Variants in CCDC13 observed in about 807,000 individuals in gnomAD.
CCDC13 encodes the protein coiled-coil domain-containing protein 13.
Under a neutral mutation model 87.3 loss-of-function variants are expected in CCDC13, and 70 were observed. The ratio of observed to expected loss-of-function variants is 0.80; its 90% CI spans 0.66 to 0.98. The LOEUF (loss-of-function observed/expected upper bound fraction) is 0.98, where lower values mean the gene tolerates loss of function less well. CCDC13 is among the 50% of genes least tolerant of loss of function. CCDC13 has a pLI of 0.00. For missense variants in CCDC13, 842 were observed against 892.0 expected (o/e 0.94, Z 0.71); for synonymous variants, 317 against 360.3 (o/e 0.88, Z 1.36).
rs185625473 is a variant in CCDC13, at chr3:42,770,799, C to T, written c.-7+2377G>A. 3.8e-3 allele frequency: 577 copies of T among 153,174 alleles called. 7 individuals are homozygous for T. The highest frequency in any genetic ancestry group is 0.012 in the African/African-American group (515 of 41,516). 9.5% of individuals were successfully genotyped at this position (153,174 alleles called of 1,614,324 possible). A position where few individuals can be genotyped will look rare whatever the true frequency, so the allele number is the denominator to read the frequency against. The stretch of plus-strand genomic sequence containing the variant: ...GGAATGAACAACTCCAGACGCACCA[C>T]CCTAAGAGCTGTAACACTCACCGCG... On this transcript the variant is annotated intron_variant, in intron 1 of 15. Coordinates refer to ENST00000310232, the MANE Select transcript of CCDC13 (RefSeq NM_144719.4).
At chr3:42,765,322 GAGTATT>G (rs1699907329) in intron 1 of CCDC13, among the ~76,000 whole-genome samples, 1 of 152,342 alleles carries the variant, frequency 6.6e-6, no homozygotes, top group South Asian at 2.1e-4. Context: ...CCGGCCCCCA[GAGTATT>G]AGTATCTAAT....
chr3:42,758,062 T>TACACACACACAC (rs3076826), intron 2 of CCDC13, 63 bp downstream of exon 2: 310 of 997,590 alleles, frequency 3.1e-4, no homozygotes, highest in African/African-American at 7.2e-4. Context: ...GCTCCGGTGG[T>TACACACACACAC]ACACACACAC....
intron 13 of CCDC13, among the ~76,000 whole-genome samples, chr3:42,723,318 T>A (rs1452084936): frequency 1.3e-5 from 2 of 152,160 alleles, no homozygotes; most frequent in African/African-American, 4.8e-5. Flanking sequence ...AAAGGACTCA[T>A]ATGATTAGGT....
rs1408930972 is a variant in CCDC13 at position 42,758,297 on chromosome 3, C to T, written c.49G>A (p.Ala17Thr). Reference sequence around the variant, plus strand: ...CGTTTGTGCTGCATCTCCTGCATTGCCTTGAACTGGAGCCGCAAAGTGTTC... The same window carrying T: ...CGTTTGTGCTGCATCTCCTGCATTGTCTTGAACTGGAGCCGCAAAGTGTTC... ...SQNTLRLQFK[A>T]MQEMQHKRLQ... The change falls in exon 2 of 16, where the codon GCA becomes ACA. Residue 17 changes from alanine to threonine, a missense_variant. By Grantham distance (58) the Ala-to-Thr change is moderately conservative (BLOSUM62 0). Coordinates refer to ENST00000310232, the MANE Select transcript of CCDC13 (RefSeq NM_144719.4). 6.2e-7 allele frequency: 1 copy of T among 1,613,350 alleles called. No homozygotes were observed. Among genetic ancestry groups the T allele is most frequent in the East Asian group, 2.2e-5 (1 of 44,888 alleles).
At chr3:42,761,165 T>A (rs748119873) in intron 1 of CCDC13, among the ~76,000 whole-genome samples, 1 of 152,234 alleles carries the variant, frequency 6.6e-6, no homozygotes, top group East Asian at 1.9e-4. Context: ...CCACATCATC[T>A]ACCTATCATC....
chr3:42,742,798 G>A, intron 8 of CCDC13, 98 bp downstream of exon 8: 1 of 1,473,140 alleles, frequency 6.8e-7, no homozygotes. Flanking sequence ...AGAAGGGGTG[G>A]CTCAGACTTC....
At position 42,735,819 on chromosome 3, in the gene CCDC13, T is replaced by C. The variant is rs751201115; in HGVS notation, c.1259A>G (p.Asn420Ser). 1.9e-6 allele frequency: 3 copies of C among 1,614,232 alleles called. No individual in the cohort carries two copies. The Admixed American group carries it at 5.0e-5, about 27-fold the overall frequency. ...VSQHHLDQQL[N>S]SEAQRSNSLV... ...GCTGTTGCTCCGCTGAGCCTCGCTGTTCAGTTGCTGGTCCAGGTGGTGCTG... is the reference window on the plus strand; with the variant it reads ...GCTGTTGCTCCGCTGAGCCTCGCTGCTCAGTTGCTGGTCCAGGTGGTGCTG... The change falls in exon 10 of 16, where the codon AAC (asparagine) becomes AGC (serine). Residue 420 changes from asparagine to serine, a missense_variant. By Grantham distance (46) the Asn-to-Ser change is conservative. Transcript: ENST00000310232.
At position 42,730,583 on chromosome 3, in the gene CCDC13, C is replaced by G. The variant is rs368080694; in HGVS notation, c.1602G>C (p.Ser534=). 8 of 1,613,778 alleles carry G rather than the reference C, an allele frequency of 5.0e-6. No homozygotes were observed. Among genetic ancestry groups the G allele is most frequent in the Non-Finnish European group, 6.8e-6 (8 of 1,179,878 alleles). The change falls in exon 13 of 16, where the codon TCG becomes TCC. Residue 534 remains serine (S), a synonymous_variant. Coordinates refer to ENST00000310232, the MANE Select transcript of CCDC13 (RefSeq NM_144719.4). ...PSPHRTSPRF[S]DSPEQKGWQA... is the part of the protein sequence containing the mutation. ...GCCAGCCTTTTTGTTCTGGGGAGTCCGAGAACCTGGGACCAGGGTGGAGGG... is the reference window on the plus strand; with the variant it reads ...GCCAGCCTTTTTGTTCTGGGGAGTCGGAGAACCTGGGACCAGGGTGGAGGG...
At chr3:42,728,273 C>T (rs1698736859) in intron 13 of CCDC13, among the ~76,000 whole-genome samples, 1 of 152,128 alleles carries the variant, frequency 6.6e-6, no homozygotes, top group Admixed American at 6.6e-5. Context: ...ACGCAGAGCA[C>T]CCTGGGATGC....
intron 11 of CCDC13, among the ~76,000 whole-genome samples, 177 bp from the exon 12 acceptor site, chr3:42,733,147 A>G (rs1698887466): frequency 6.6e-6 from 1 of 152,258 alleles, no homozygotes; most frequent in Non-Finnish European, 1.5e-5. Flanking sequence ...ATGAGACAGA[A>G]CAGGAGACAC....
intron 11 of CCDC13, 150 bp downstream of exon 11, chr3:42,733,320 G>A (rs1479967060): frequency 1.7e-5 from 17 of 976,542 alleles, no homozygotes; most frequent in Non-Finnish European, 2.8e-5. Context: ...CAGAGCTAAT[G>A]TCATAGGAGA....
chr3:42,744,404 C>T (rs1182088611), intron 7 of CCDC13, among the ~76,000 whole-genome samples: 1 of 152,180 alleles, frequency 6.6e-6, no homozygotes, highest in Non-Finnish European at 1.5e-5. Context: ...TCGCTAGGCT[C>T]CCTGGCAAAG....
chr3:42,729,470 C>G (rs1286112661), intron 13 of CCDC13, among the ~76,000 whole-genome samples: 5 of 152,188 alleles, frequency 3.3e-5, no homozygotes, highest in African/African-American at 7.2e-5. Flanking sequence ...ATCAGTACCC[C>G]CATTTTCCCT....
chr3:42,713,133 T>C, intron 14 of CCDC13, 29 bp downstream of exon 14: 1 of 1,607,954 alleles, frequency 6.2e-7, no homozygotes, highest in Non-Finnish European at 8.5e-7. Context: ...CTCCACCCCC[T>C]GCACTGAGAC....
Position 42,707,929 on chromosome 3 carries a change from C to G in CCDC13, c.*1051G>C, listed in dbSNP as rs924152697. Among the ~76,000 whole-genome samples the G allele has an allele frequency of 2.0e-5, 3 of 152,182 alleles. No homozygotes were observed. Among genetic ancestry groups the G allele is most frequent in the African/African-American group, 7.2e-5 (3 of 41,432 alleles). On this transcript the variant is annotated 3_prime_UTR_variant, in exon 16 of 16. Coordinates refer to ENST00000310232, the MANE Select transcript of CCDC13 (RefSeq NM_144719.4). ...TGTAGCTATAAGTGCATAGTTACAGCTGAGAAAGGGCAACACTGACAGTCA... is the reference window on the plus strand; with the variant it reads ...TGTAGCTATAAGTGCATAGTTACAGGTGAGAAAGGGCAACACTGACAGTCA...
At chr3:42,729,303 G>C (rs1283921871) in intron 13 of CCDC13, among the ~76,000 whole-genome samples, 1 of 152,134 alleles carries the variant, frequency 6.6e-6, no homozygotes, top group Non-Finnish European at 1.5e-5. Flanking sequence ...TCCAATTATA[G>C]AAAAAGAATC....
intron 13 of CCDC13, among the ~76,000 whole-genome samples, chr3:42,726,672 T>G (rs1698695811): frequency 6.6e-6 from 1 of 152,064 alleles, no homozygotes; most frequent in South Asian, 2.1e-4. Context: ...TATTTACATA[T>G]GTATACTTTA....
chr3:42,758,159 C>T lies in CCDC13; in HGVS notation c.187G>A (p.Gly63Arg), dbSNP rs1181418279. The change falls in exon 2 of 16, where the codon GGG (glycine) becomes AGG (arginine). Residue 63 changes from glycine (G) to arginine (R), a missense_variant. Transcript: ENST00000310232. ...AAGCTATTTTTCGAGTTTGGCTCCC[C>T]TGCGTGGAGAAGGCTGAGGCCATCT... ...VSDGLSLLHA[G>R]EPNSKNSFEK... 2 of 1,613,998 alleles carry T rather than the reference C, an allele frequency of 1.2e-6. No homozygotes were observed. Among genetic ancestry groups the T allele is most frequent in the African/African-American group, 1.3e-5 (1 of 74,914 alleles).
At chr3:42,760,637 T>C (rs1399707012) in intron 1 of CCDC13, among the ~76,000 whole-genome samples, 1 of 151,428 alleles carries the variant, frequency 6.6e-6, no homozygotes, top group Admixed American at 6.6e-5. Flanking sequence ...CACTCCAGCC[T>C]GGGCGAGGTT....
Sources: gnomAD v4.1 joint callset for allele counts (sites outside exome capture counted in the v4.1 genomes callset) on GRCh38, gnomAD v4.1.1 for gene constraint, MANE v1.5 for transcripts, NCBI Gene and HGNC (gene_info 2026-07-23, HGNC 2026-07-21) for gene names.